The following DDX19A variants were observed in gnomAD, a reference collection of about 807,000 sequenced individuals.
DDX19A encodes ATP-dependent RNA helicase DDX19A.
Under a neutral mutation model 60.6 loss-of-function variants are expected in DDX19A, and 12 were observed. That is an observed-to-expected ratio of 0.20 (90% CI 0.13 to 0.32). The LOEUF (loss-of-function observed/expected upper bound fraction) is 0.32, where lower values mean the gene tolerates loss of function less well. Among genes scored for constraint, DDX19A ranks in the 10% least tolerant of loss-of-function variants. The pLI, the probability that DDX19A is intolerant of heterozygous loss-of-function variation, is 1.00. For synonymous variants in DDX19A, 206 were observed against 218.2 expected (o/e 0.94, Z 0.49); for missense variants, 337 against 600.6 (o/e 0.56, Z 4.59).
At chr16:70,351,564 A>G (rs954443337) in intron 2 of DDX19A, among the ~76,000 whole-genome samples, 3 of 151,512 alleles carry the variant, frequency 2.0e-5, no homozygotes, top group African/African-American at 4.9e-5. Flanking sequence ...TCACTCTGCC[A>G]CGCAGGCCGG....
chr16:70,357,362 G>GTTTTTTTTTTTTTTTTTT (rs1248365917), intron 4 of DDX19A, among the ~76,000 whole-genome samples: 3 of 48,862 alleles, frequency 6.1e-5, no homozygotes, highest in African/African-American at 2.4e-4. Context: ...TCTGTTTTTG[G>GTTTTTTTTTTTTTTTTTT]TTTGTTTTTT....
intron 5 of DDX19A, 159 bp downstream of exon 5, chr16:70,361,669 A>G (rs1273070855): frequency 3.4e-6 from 2 of 583,648 alleles, no homozygotes; most frequent in Non-Finnish European, 6.0e-6. Flanking sequence ...GGAGTTAGCT[A>G]CAGTTTCTGC....
Position 70,355,672 on chromosome 16 carries a change from C to G in DDX19A, c.157+137C>G. 4.1e-6 allele frequency: 3 copies of G among 723,872 alleles called. No homozygotes were observed. The South Asian group carries it at 4.8e-5, about 12-fold the overall frequency. The allele number at this position is 723,872 out of a possible 1,614,324, so 44.8% of individuals were successfully genotyped here. A position where few individuals can be genotyped will look rare whatever the true frequency, so the allele number is the denominator to read the frequency against. On this transcript the variant is annotated intron_variant, in intron 3 of 11. Coordinates refer to ENST00000302243, the MANE Select transcript of DDX19A (RefSeq NM_018332.5). ...GGAATAGTCAGTGAGAGGAGGAGAA[C>G]AAAACAAGTCCGAAAGCGGTAGCTC...
In DDX19A at chr16:70,372,406, G is replaced by C. The variant is rs1597546204; in HGVS notation, c.*420G>C. On this transcript the variant is annotated 3_prime_UTR_variant, in exon 12 of 12. Transcript: ENST00000302243. Reference sequence around the variant, plus strand: ...GCCCCACCGCTGTGCATCGAATGAGGGAAGTGGCAGCAGAGAGGCCAGAGC... The same window carrying C: ...GCCCCACCGCTGTGCATCGAATGAGCGAAGTGGCAGCAGAGAGGCCAGAGC... 4.2e-6 allele frequency: 1 copy of C among 236,274 alleles called. No individual in the cohort carries two copies. The highest frequency in any genetic ancestry group is 1.1e-4 in the East Asian group (1 of 8,712). The allele number at this position is 236,274 out of a possible 1,614,324, so 14.6% of individuals were successfully genotyped here.
intron 3 of DDX19A, 144 bp downstream of exon 3, chr16:70,355,679 A>G: frequency 1.4e-6 from 1 of 703,066 alleles, no homozygotes; most frequent in Non-Finnish European, 2.5e-6. Flanking sequence ...GAACAAAACA[A>G]GTCCGAAAGC....
chr16:70,352,718 C>T (rs1005443741), intron 2 of DDX19A, among the ~76,000 whole-genome samples: 2 of 150,564 alleles, frequency 1.3e-5, no homozygotes, highest in Non-Finnish European at 2.9e-5. Context: ...CTCACCGCAA[C>T]CTCCACCTCC....
chr16:70,362,152 TGACA>T (rs1318114272), intron 5 of DDX19A, among the ~76,000 whole-genome samples: 1 of 142,872 alleles, frequency 7.0e-6, no homozygotes, highest in East Asian at 2.1e-4. Flanking sequence ...TCTAGCCTGG[TGACA>T]GCAAGACCCT....
chr16:70,367,753 T>C (rs1447565527), intron 9 of DDX19A, among the ~76,000 whole-genome samples: 1 of 151,910 alleles, frequency 6.6e-6, no homozygotes, highest in Non-Finnish European at 1.5e-5. Context: ...GGTGCATGCC[T>C]GTAATCCCAG....
rs141918417 is a variant in DDX19A at position 70,361,676 on chromosome 16, C to T, written c.386+166C>T. 3.7e-4 allele frequency: 212 copies of T among 573,458 alleles called. 1 individual carries two copies. The East Asian group carries it at 5.8e-3, about 16-fold the overall frequency. 35.5% of individuals were successfully genotyped at this position (573,458 alleles called of 1,614,324 possible). ...AATCGGATGGAGTTAGCTACAGTTT[C>T]TGCCTTTCCCACTTAACAATAGAAA... On this transcript the variant is annotated intron_variant, in intron 5 of 11. Transcript: ENST00000302243.
intron 1 of DDX19A, 92 bp downstream of exon 1, chr16:70,347,140 C>A: frequency 7.8e-7 from 1 of 1,287,780 alleles, no homozygotes. Flanking sequence ...TGGGGAGGCC[C>A]CTGGGCAACG....
In DDX19A at chr16:70,365,120, G is replaced by A. The variant is rs1438533529; in HGVS notation, c.593G>A (p.Arg198Gln). ...GAACTGAAGCTTGCCTATGCCGTTC[G>A]AGGCAATAAATGTGAGTACGGCAGG... ...YPELKLAYAV[R>Q]GNKLERGQKI... Residue 198 changes from arginine (R) to glutamine (Q), a missense_variant, in exon 7 of 12, where the codon CGA becomes CAA. This residue lies in a region of DDX19A where 62 missense variants were observed against 75.7 expected (regional missense o/e 0.82). Transcript: ENST00000302243. 5 of 1,612,226 alleles carry A rather than the reference G, an allele frequency of 3.1e-6. No individual in the cohort carries two copies. Among genetic ancestry groups the A allele is most frequent in the Admixed American group, 1.7e-5 (1 of 60,002 alleles).
At chr16:70,364,968 T>G in intron 6 of DDX19A, 49 bp from the exon 7 acceptor site, 2 of 1,485,798 alleles carry the variant, frequency 1.3e-6, no homozygotes, top group Non-Finnish European at 1.9e-6. Context: ...CCTTCAGGTC[T>G]GTTACCAAAT....
intron 9 of DDX19A, among the ~76,000 whole-genome samples, chr16:70,367,169 C>T (rs985346411): frequency 6.6e-6 from 1 of 152,162 alleles, no homozygotes; most frequent in Non-Finnish European, 1.5e-5. Flanking sequence ...TGGCTCATGC[C>T]TGTAATCCCA....
At chr16:70,367,796 G>A (rs956026042) in intron 9 of DDX19A, among the ~76,000 whole-genome samples, 1 of 151,912 alleles carries the variant, frequency 6.6e-6, no homozygotes, top group Admixed American at 6.6e-5. Context: ...AGAATCACTT[G>A]AAGCTGGGAG....
rs985388281 is a variant in DDX19A at position 70,372,225 on chromosome 16, A to T, written c.*239A>T. 3 of 612,548 alleles carry T rather than the reference A, an allele frequency of 4.9e-6. No homozygotes were observed. The highest frequency in any genetic ancestry group is 8.6e-6 in the Non-Finnish European group (3 of 349,240). 37.9% of individuals were successfully genotyped at this position (612,548 alleles called of 1,614,324 possible). ...CCTTTCCCCACTTTTTTAAAGCCAC[A>T]TTCCCCCATCTTTATAATAATCTGG... On this transcript the variant is annotated 3_prime_UTR_variant, in exon 12 of 12. Transcript: ENST00000302243.
At chr16:70,371,826 T>C (rs1174109290) in intron 11 of DDX19A, 99 bp from the exon 12 acceptor site, 2 of 1,579,502 alleles carry the variant, frequency 1.3e-6, no homozygotes, top group African/African-American at 2.7e-5. Flanking sequence ...TGCCCCCTGC[T>C]TAGGCACCCG....
intron 9 of DDX19A, among the ~76,000 whole-genome samples, chr16:70,369,057 G>A (rs1045655846): frequency 1.3e-5 from 2 of 151,852 alleles, no homozygotes; most frequent in African/African-American, 4.8e-5. Flanking sequence ...AGTAGAGACA[G>A]GGTTTCTCCA....
chr16:70,347,114 A>T, intron 1 of DDX19A, 66 bp downstream of exon 1: 3 of 1,516,924 alleles, frequency 2.0e-6, no homozygotes, highest in Middle Eastern at 1.7e-4. Flanking sequence ...CCAAAAGCAC[A>T]GGGAGCTCCC....
In DDX19A at chr16:70,355,015, T is replaced by A. The variant is rs374414709; in HGVS notation, c.107-470T>A. 1.1e-3 allele frequency among the ~76,000 whole-genome samples: 174 copies of A among 151,844 alleles called. 5 individuals are homozygous for A. The East Asian group carries it at 0.025, about 22-fold the overall frequency. On this transcript the variant is annotated intron_variant, in intron 2 of 11. Transcript: ENST00000302243. Reference sequence around the variant, plus strand: ...AGACCCTGTCTCAAAAAAAAAAAAATTTCTAGAAATAAAAATTCACTAAAC... The same window carrying A: ...AGACCCTGTCTCAAAAAAAAAAAAAATTCTAGAAATAAAAATTCACTAAAC...
Sources: gnomAD v4.1 joint callset for allele counts (sites outside exome capture counted in the v4.1 genomes callset) on GRCh38, gnomAD v4.1.1 for gene constraint, gnomAD v4.1.1 regional missense constraint, MANE v1.5 for transcripts, NCBI Gene and HGNC (gene_info 2026-07-23, HGNC 2026-07-21) for gene names.